SLC6A2: variants seen among roughly 807,000 people sequenced by gnomAD.
The protein encoded by SLC6A2 is solute carrier family 6 member 2, also known as sodium-dependent noradrenaline transporter.
SLC6A2 carries 26 observed loss-of-function variants against 71.7 expected under a neutral mutation model. The observed-to-expected ratio is 0.36, with a 90% CI of 0.27 to 0.50. SLC6A2 has a LOEUF of 0.50. SLC6A2 is among the 20% of genes least tolerant of loss of function. The pLI, the probability that SLC6A2 is intolerant of heterozygous loss-of-function variation, is 0.96. For missense variants in SLC6A2, 581 were observed against 803.9 expected (o/e 0.72, Z 3.35); for synonymous variants, 363 against 337.9 (o/e 1.07, Z -0.82).
At chr16:55,669,493 C>G (rs1596961251) in intron 2 of SLC6A2, 72 bp from the exon 3 acceptor site, 2 of 1,572,396 alleles carry the variant, frequency 1.3e-6, no homozygotes, top group East Asian at 2.2e-5. Context: ...CTTTGCAGCT[C>G]TTGCAGACAC....
rs1462753687 is a variant in SLC6A2 at position 55,698,455 on chromosome 16, T to C, written c.1390-14T>C. 1 of 1,600,166 alleles carries C rather than the reference T, an allele frequency of 6.2e-7. No individual in the cohort carries two copies. On this transcript the variant is annotated splice_polypyrimidine_tract_variant and intron_variant, in intron 10 of 14. Transcript: ENST00000568943. ...CCAAAGAGGGCCTCTTGGCTTCTTC[T>C]CTCCCTGTGCCAGGGTGGAATTTAC... is the stretch of plus-strand genomic sequence containing the variant.
intron 4 of SLC6A2, among the ~76,000 whole-genome samples, chr16:55,683,269 A>G (rs757260431): frequency 1.3e-5 from 2 of 152,144 alleles, no homozygotes; most frequent in Non-Finnish European, 2.9e-5. Flanking sequence ...AGATTGTACA[A>G]GGGACCCCAA....
chr16:55,704,869 T>C lies in SLC6A2; in HGVS notation c.*2523T>C, dbSNP rs1286311965. ...TGGGATGGGAACCTGGCTCCAAGCC[T>C]GGGTCCCCTGGGAGGGTGGGGGTAC... On this transcript the variant is annotated 3_prime_UTR_variant, in exon 15 of 15. Transcript: ENST00000568943. 18 of 181,000 alleles carry C rather than the reference T, an allele frequency of 9.9e-5. No homozygotes were observed. The East Asian group carries it at 2.6e-3, about 26-fold the overall frequency. The allele number at this position is 181,000 out of a possible 1,614,324, so 11.2% of individuals were successfully genotyped here.
intron 4 of SLC6A2, among the ~76,000 whole-genome samples, chr16:55,678,151 A>G (rs1353737606): frequency 6.6e-6 from 1 of 152,196 alleles, no homozygotes; most frequent in Non-Finnish European, 1.5e-5. Context: ...TTTTACAGAT[A>G]AGAGAGTGTA....
intron 2 of SLC6A2, among the ~76,000 whole-genome samples, chr16:55,661,044 G>A (rs370094622): frequency 3.3e-5 from 5 of 152,298 alleles, no homozygotes; most frequent in East Asian, 1.9e-4. Flanking sequence ...CAGAAATTCC[G>A]GAGCTTTGTT....
At chr16:55,688,535 G>C (rs1311106043) in intron 5 of SLC6A2, among the ~76,000 whole-genome samples, 3 of 152,196 alleles carry the variant, frequency 2.0e-5, no homozygotes, top group Non-Finnish European at 4.4e-5. Flanking sequence ...TATCATCTCT[G>C]TTTTCAAGTC....
chr16:55,669,846 A>T, intron 3 of SLC6A2, 150 bp downstream of exon 3: 1 of 842,084 alleles, frequency 1.2e-6, no homozygotes, highest in Non-Finnish European at 2.0e-6. Flanking sequence ...CCCCATTCCA[A>T]GTTACGTGGA....
intron 5 of SLC6A2, among the ~76,000 whole-genome samples, chr16:55,687,493 A>T (rs541440751): frequency 5.9e-5 from 9 of 152,216 alleles, no homozygotes; most frequent in African/African-American, 2.2e-4. Flanking sequence ...GAAGGAAGGG[A>T]TTCTTAGCAG....
Position 55,703,864 on chromosome 16 carries a change from G to T in SLC6A2, c.*1518G>T, listed in dbSNP as rs763365563. On this transcript the variant is annotated 3_prime_UTR_variant, in exon 15 of 15. Transcript: ENST00000568943. ...ATGAAGAGGATTATGAGGGGACCAG[G>T]GTGGGGCAGGGAGATGGTTTTGTCT... 1.0e-5 allele frequency: 10 copies of T among 953,658 alleles called. No homozygotes were observed. The highest frequency in any genetic ancestry group is 1.2e-5 in the Non-Finnish European group (10 of 801,054). The allele number at this position is 953,658 out of a possible 1,614,324, so 59.1% of individuals were successfully genotyped here. A position where few individuals can be genotyped will look rare whatever the true frequency, so the allele number is the denominator to read the frequency against.
chr16:55,692,415 A>G (rs886937380), intron 6 of SLC6A2, among the ~76,000 whole-genome samples: 2 of 151,788 alleles, frequency 1.3e-5, no homozygotes, highest in African/African-American at 4.8e-5. Context: ...CCCTCTTTCT[A>G]CTCTTGGATC....
At chr16:55,660,760 A>C (rs563091278) in intron 2 of SLC6A2, among the ~76,000 whole-genome samples, 1 of 152,248 alleles carries the variant, frequency 6.6e-6, no homozygotes, top group South Asian at 2.1e-4. Flanking sequence ...TCAGGGTTAC[A>C]CTGAAGCCAG....
intron 5 of SLC6A2, among the ~76,000 whole-genome samples, chr16:55,685,581 A>G (rs1218678715): frequency 1.3e-5 from 2 of 152,220 alleles, no homozygotes; most frequent in Middle Eastern, 3.2e-3. Context: ...GATACTGCCA[A>G]GGGCCTCACG....
At chr16:55,682,928 G>GTA (rs1596986944) in intron 4 of SLC6A2, among the ~76,000 whole-genome samples, 1 of 152,026 alleles carries the variant, frequency 6.6e-6, no homozygotes, top group East Asian at 1.9e-4. Flanking sequence ...CCCATGCTAC[G>GTA]ATACAAGCCC....
chr16:55,656,693 C>T lies in SLC6A2; in HGVS notation c.-2C>T. The T allele has an allele frequency of 6.2e-7, 1 of 1,612,158 alleles. No homozygotes were observed. The highest frequency in any genetic ancestry group is 2.0e-4 in the Middle Eastern group (1 of 5,076). On this transcript the variant is annotated 5_prime_UTR_variant, in exon 2 of 15. Coordinates refer to ENST00000568943, the MANE Select transcript of SLC6A2 (RefSeq NM_001172501.3). The surrounding 1 kb of genome is among the most constrained non-coding windows in gnomAD (Gnocchi z 4.5). The stretch of plus-strand genomic sequence containing the variant: ...GTAAAGTTCCTCTCGCCAGCCGCAT[C>T]CATGCTTCTGGCGCGGATGAACCCG...
rs1460375997 is a variant in SLC6A2, at chr16:55,696,205, G to A, written c.1148-20G>A. ...ACCAATGGTTTCAGCCATTGATGAG[G>A]TCCTTGATGTTTCTTACAGGAGCTG... On this transcript the variant is annotated intron_variant, in intron 8 of 14. Coordinates refer to ENST00000568943, the MANE Select transcript of SLC6A2 (RefSeq NM_001172501.3). The A allele has an allele frequency of 1.4e-6, 2 of 1,438,462 alleles. No homozygotes were observed. Among genetic ancestry groups the A allele is most frequent in the South Asian group, 2.3e-5 (2 of 87,452 alleles). 89.1% of individuals were successfully genotyped at this position (1,438,462 alleles called of 1,614,324 possible). A position where few individuals can be genotyped will look rare whatever the true frequency, so the allele number is the denominator to read the frequency against.
chr16:55,691,131 T>C (rs966624747), intron 5 of SLC6A2, among the ~76,000 whole-genome samples: 51 of 141,468 alleles, frequency 3.6e-4, no homozygotes, highest in African/African-American at 1.2e-3. Context: ...GAGATAAACA[T>C]AAGGGAGAGA....
chr16:55,688,533 C>CAACA (rs1403511704), intron 5 of SLC6A2, among the ~76,000 whole-genome samples: 15 of 152,204 alleles, frequency 9.9e-5, no homozygotes, highest in African/African-American at 3.6e-4. Context: ...TTTATCATCT[C>CAACA]TGTTTTCAAG....
chr16:55,672,154 C>T lies in SLC6A2; in HGVS notation c.623C>T (p.Thr208Met), dbSNP rs772518188. 3.7e-6 allele frequency: 6 copies of T among 1,614,050 alleles called. No individual in the cohort carries two copies. The South Asian group carries it at 4.4e-5, about 12-fold the overall frequency. Reference sequence around the variant, plus strand: ...ACCAAGTACTCCAAGTACAAGTTCACGCCGGCAGCCGAGTTTTATGAGTAA... The same window carrying T: ...ACCAAGTACTCCAAGTACAAGTTCATGCCGGCAGCCGAGTTTTATGAGTAA... ...NHTKYSKYKFTPAAEFYERGV... is the reference protein window; with the variant it reads ...NHTKYSKYKFMPAAEFYERGV... The change falls in exon 4 of 15, where the codon ACG becomes ATG. Residue 208 changes from threonine (T) to methionine (M), a missense_variant. By Grantham distance (81) the Thr-to-Met change is moderately conservative. Coordinates refer to ENST00000568943, the MANE Select transcript of SLC6A2 (RefSeq NM_001172501.3).
At chr16:55,659,475 C>T (rs900478689) in intron 2 of SLC6A2, among the ~76,000 whole-genome samples, 2 of 152,126 alleles carry the variant, frequency 1.3e-5, no homozygotes, top group Non-Finnish European at 2.9e-5. Context: ...CACTTTCTCC[C>T]GGGCTTGCTA....
Sources: gnomAD v4.1 joint callset for allele counts (sites outside exome capture counted in the v4.1 genomes callset) on GRCh38, gnomAD v4.1.1 for gene constraint, Gnocchi (gnomAD v3.1) non-coding constraint, MANE v1.5 for transcripts, NCBI Gene and HGNC (gene_info 2026-07-23, HGNC 2026-07-21) for gene names.